The following ACOT11 variants were observed in gnomAD, a reference collection of about 807,000 sequenced individuals.
ACOT11 encodes the protein acyl-CoA thioesterase 11.
Under a neutral mutation model 77.5 loss-of-function variants are expected in ACOT11, and 69 were observed. That is an observed-to-expected ratio of 0.89 (90% CI 0.73 to 1.09). The LOEUF (loss-of-function observed/expected upper bound fraction) is 1.09. ACOT11 is among the 50% of genes least tolerant of loss of function. The pLI is 0.00. For synonymous variants in ACOT11, 279 were observed against 313.0 expected, an observed-to-expected ratio of 0.89 and a Z score of 1.15; for missense variants, 766 against 813.7, an observed-to-expected ratio of 0.94 and a Z score of 0.71.
Position 54,597,336 on chromosome 1 carries a change from C to T in ACOT11, c.685C>T (p.Pro229Ser), listed in dbSNP as rs756819499. Residue 229 changes from proline to serine, a missense_variant, in exon 7 of 16, where the codon CCC becomes TCC. Transcript: ENST00000343744. ...GGAGAGTGTGGAGCTGGTCCTGCCT[C>T]CCCACGCCAATCACCAGGGCAACAC... ...RVESVELVLP[P>S]HANHQGNTFG... 1.4e-5 allele frequency: 23 copies of T among 1,613,842 alleles called. No individual in the cohort carries two copies. Among genetic ancestry groups the T allele is most frequent in the Non-Finnish European group, 1.9e-5 (23 of 1,180,022 alleles).
In ACOT11 at chr1:54,585,713, T is replaced by G. The variant is rs566028778; in HGVS notation, c.242-122T>G. 6.3e-4 allele frequency: 520 copies of G among 830,246 alleles called. 1 individual carries two copies. The highest frequency in any genetic ancestry group is 3.6e-3 in the Admixed American group (158 of 44,180). 51.4% of individuals were successfully genotyped at this position (830,246 alleles called of 1,614,324 possible). On this transcript the variant is annotated intron_variant, in intron 2 of 15. Coordinates refer to ENST00000343744, the MANE Select transcript of ACOT11 (RefSeq NM_147161.4). ...GGTGTAAGGAATGGTGGCAGCAGGG[T>G]GTGGTGGGAGTTGTGGCCTTGGCTT...
intron 5 of ACOT11, 132 bp downstream of exon 5, chr1:54,594,171 TC>T: frequency 2.6e-6 from 2 of 765,264 alleles, no homozygotes; most frequent in Admixed American, 5.6e-5. Flanking sequence ...AATCCACAGC[TC>T]CCTGAGGAAG....
At chr1:54,626,858 A>C (rs1194447335) in intron 15 of ACOT11, among the ~76,000 whole-genome samples, 2 of 133,128 alleles carry the variant, frequency 1.5e-5, no homozygotes, top group Non-Finnish European at 3.4e-5. Flanking sequence ...GCATTCTTTT[A>C]TTTATTTATT....
rs973650739 is a variant in ACOT11, at chr1:54,588,811, T to C, written c.311+2907T>C. 5.9e-5 allele frequency among the ~76,000 whole-genome samples: 9 copies of C among 152,008 alleles called. No homozygotes were observed. In the East Asian group the frequency reaches 1.7e-3, roughly 29 times the overall value. The stretch of plus-strand genomic sequence containing the variant: ...CAGGGCTCAGCAGAGTGAAGGTGAA[T>C]CTGGGCAGAGGAGGCTGTGGTTGGA... On this transcript the variant is annotated intron_variant, in intron 3 of 15. Transcript: ENST00000343744.
chr1:54,604,699 T>A (rs528673743), intron 12 of ACOT11, among the ~76,000 whole-genome samples: 75 of 152,116 alleles, frequency 4.9e-4, no homozygotes, highest in African/African-American at 1.7e-3. Context: ...TTCCTCCCTC[T>A]CTGTTCTTCT....
In ACOT11 at chr1:54,584,553, C is replaced by T. The variant is rs1337681909; in HGVS notation, c.34-102C>T. 2.6e-6 allele frequency: 3 copies of T among 1,146,984 alleles called. No homozygotes were observed. Among genetic ancestry groups the T allele is most frequent in the African/African-American group, 1.5e-5 (1 of 65,038 alleles). The allele number at this position is 1,146,984 out of a possible 1,614,324, so 71.1% of individuals were successfully genotyped here. A position where few individuals can be genotyped will look rare whatever the true frequency, so the allele number is the denominator to read the frequency against. ...GTCTGGTGGGAGGTGGCCCTAGGTA[C>T]TCTCTCTCCCCCAGACCCTAAGTTC... On this transcript the variant is annotated intron_variant, in intron 1 of 15. Transcript: ENST00000343744. The surrounding 1 kb of genome is among the most constrained non-coding windows in gnomAD (Gnocchi z 6.3).
rs1644078820 is a variant in ACOT11, at chr1:54,609,226, A to T, written c.*114A>T. 1 of 1,590,502 alleles carries T rather than the reference A, an allele frequency of 6.3e-7. No homozygotes were observed. The highest frequency in any genetic ancestry group is 1.7e-5 in the Admixed American group (1 of 58,328). On this transcript the variant is annotated 3_prime_UTR_variant, in exon 16 of 16. Coordinates refer to ENST00000343744, the MANE Select transcript of ACOT11 (RefSeq NM_147161.4). ...TATTTCTTCCTGCCTCCCCGTGGGAAGCCTCCGCCCTGAGGTCCGCTGGCC... is the reference window on the plus strand; with the variant it reads ...TATTTCTTCCTGCCTCCCCGTGGGATGCCTCCGCCCTGAGGTCCGCTGGCC...
chr1:54,550,190 A>T (rs906307066), intron 1 of ACOT11, among the ~76,000 whole-genome samples: 11 of 152,224 alleles, frequency 7.2e-5, no homozygotes, highest in African/African-American at 2.7e-4. Flanking sequence ...CCTGAGGCTC[A>T]GCCAGATGAA....
At chr1:54,590,307 C>T (rs1232232515) in intron 3 of ACOT11, among the ~76,000 whole-genome samples, 1 of 150,940 alleles carries the variant, frequency 6.6e-6, no homozygotes, top group East Asian at 2.0e-4. Context: ...GGGAAGGTCT[C>T]GATGGGGGTC....
At chr1:54,612,587 C>T (rs141058235), downstream of ACOT11, 13 of 1,613,986 alleles carry the variant, frequency 8.1e-6, no homozygotes, top group African/African-American at 1.6e-4. Context: ...CTCCCACCAG[C>T]TCGTGCATCT....
chr1:54,561,694 C>T (rs184468396), intron 1 of ACOT11, among the ~76,000 whole-genome samples: 969 of 112,322 alleles, frequency 8.6e-3, no homozygotes, highest in South Asian at 0.025. Flanking sequence ...CAGAGGCGCC[C>T]CTCACCTCCC....
At chr1:54,628,981 C>G (rs142633852) in intron 15 of ACOT11, among the ~76,000 whole-genome samples, 1,697 of 125,626 alleles carry the variant, frequency 0.014, 369 homozygotes, top group Non-Finnish European at 0.02. Context: ...ATCACTTGAA[C>G]CGGGGAGGCA....
intron 15 of ACOT11, among the ~76,000 whole-genome samples, chr1:54,615,800 CCT>C (rs1452452480): frequency 6.6e-6 from 1 of 152,204 alleles, no homozygotes; most frequent in African/African-American, 2.4e-5. Flanking sequence ...GGCTGTCTCC[CCT>C]CTGTGTCCAG....
intron 3 of ACOT11, among the ~76,000 whole-genome samples, chr1:54,591,392 T>C (rs1023265095): frequency 2.6e-5 from 4 of 152,122 alleles, no homozygotes; most frequent in Admixed American, 6.5e-5. Flanking sequence ...ATGGTTAAGG[T>C]GGAGCTTGAC....
intron 1 of ACOT11, among the ~76,000 whole-genome samples, chr1:54,552,659 C>T (rs1440769539): frequency 6.6e-6 from 1 of 151,858 alleles, no homozygotes; most frequent in South Asian, 2.1e-4. Context: ...CTAATTTTTT[C>T]TATTTTTAGT....
At chr1:54,560,911 CG>C (rs1653452208) in intron 1 of ACOT11, among the ~76,000 whole-genome samples, 1 of 152,022 alleles carries the variant, frequency 6.6e-6, no homozygotes, top group Admixed American at 6.6e-5. Flanking sequence ...TTAGTAGAGA[CG>C]GGGTTTCACC....
At chr1:54,600,368 G>A (rs529177047) in intron 8 of ACOT11, among the ~76,000 whole-genome samples, 58 of 152,296 alleles carry the variant, frequency 3.8e-4, no homozygotes, top group African/African-American at 1.4e-3. Context: ...AATGGTGGTG[G>A]CTGCTATTTT....
chr1:54,592,119 T>G (rs1654732121), intron 3 of ACOT11, among the ~76,000 whole-genome samples: 1 of 152,126 alleles, frequency 6.6e-6, no homozygotes, highest in South Asian at 2.1e-4. Flanking sequence ...CTAGTAGAGC[T>G]TAAGAACTGT....
At chr1:54,605,604 G>A (rs890078202) in intron 13 of ACOT11, among the ~76,000 whole-genome samples, 11 of 151,976 alleles carry the variant, frequency 7.2e-5, no homozygotes, top group Non-Finnish European at 1.0e-4. Flanking sequence ...GGGGCTTCCG[G>A]AACTGCTGGG....
Sources: gnomAD v4.1 joint callset for allele counts (sites outside exome capture counted in the v4.1 genomes callset) on GRCh38, gnomAD v4.1.1 for gene constraint, Gnocchi (gnomAD v3.1) non-coding constraint, MANE v1.5 for transcripts, NCBI Gene and HGNC (gene_info 2026-07-23, HGNC 2026-07-21) for gene names.